TDRD9: variants seen among roughly 807,000 people sequenced by gnomAD.
TDRD9 encodes tudor domain containing 9.
A neutral mutation model predicts 172.6 loss-of-function variants in TDRD9; 124 were observed. The observed-to-expected ratio is 0.72, with a 90% CI of 0.62 to 0.83. The LOEUF (loss-of-function observed/expected upper bound fraction) is 0.83, where lower values mean the gene tolerates loss of function less well. Among genes scored for constraint, TDRD9 ranks in the 40% least tolerant of loss-of-function variants. TDRD9 has a pLI of 0.00. For missense variants in TDRD9, 1,479 were observed against 1,714.1 expected (o/e 0.86, Z 2.42); for synonymous variants, 619 against 617.1 (o/e 1.00, Z -0.05).
rs1484586056 is a variant in TDRD9, at chr14:103,963,160, G to A, written c.404G>A (p.Ser135Asn). Reference sequence around the variant, plus strand: ...TATAAATATCCTGATTTGCCTATAAGTCGATACAAGGAAGAGGTAAAATTG... The same window carrying A: ...TATAAATATCCTGATTTGCCTATAAATCGATACAAGGAAGAGGTAAAATTG... ...TTYKYPDLPISRYKEEVVSLI... is the reference protein window; with the variant it reads ...TTYKYPDLPINRYKEEVVSLI... The change falls in exon 3 of 36, where the codon AGT (serine) becomes AAT (asparagine). Residue 135 changes from serine to asparagine, a missense_variant. Transcript: ENST00000409874. The A allele has an allele frequency of 5.2e-6, 8 of 1,547,826 alleles. No individual in the cohort carries two copies. In the Admixed American group the frequency reaches 1.6e-4, roughly 31 times the overall value.
chr14:103,966,453 TAGA>T (rs1239008355), intron 4 of TDRD9, among the ~76,000 whole-genome samples: 5 of 152,248 alleles, frequency 3.3e-5, no homozygotes, highest in Non-Finnish European at 7.3e-5. Context: ...ATCTGTAATC[TAGA>T]AGATGTCTTG....
At chr14:103,967,676 C>A (rs540855687) in intron 5 of TDRD9, among the ~76,000 whole-genome samples, 9 of 152,152 alleles carry the variant, frequency 5.9e-5, no homozygotes, top group Non-Finnish European at 1.0e-4. Context: ...TATGTACAGG[C>A]ACTTGGTTTT....
In TDRD9 at chr14:104,004,317, T is replaced by C. The variant is rs1595974146; in HGVS notation, c.1563T>C (p.His521=). The C allele has an allele frequency of 2.5e-6, 4 of 1,587,300 alleles. No individual in the cohort carries two copies. Among genetic ancestry groups the C allele is most frequent in the Non-Finnish European group, 3.5e-6 (4 of 1,158,556 alleles). ...KDFWDNSIPD[H]VVPEMLRCPL... ...TCTGGGACAACTCCATCCCTGATCA[T>C]GTTGTTCCTGAGATGTTGGTAATTC... Residue 521 remains histidine (H), a synonymous_variant, in exon 14 of 36, where the codon CAT becomes CAC. Transcript: ENST00000409874.
chr14:104,024,383 T>TC (rs2035051363), intron 24 of TDRD9, among the ~76,000 whole-genome samples, 186 bp from the exon 25 acceptor site: 1 of 152,174 alleles, frequency 6.6e-6, no homozygotes, highest in South Asian at 2.1e-4. Context: ...CCAGAGCTCT[T>TC]CAAAAAGCCA....
chr14:104,038,210 G>A (rs909217032), intron 32 of TDRD9, among the ~76,000 whole-genome samples: 3 of 151,866 alleles, frequency 2.0e-5, no homozygotes, highest in African/African-American at 7.3e-5. Flanking sequence ...GAGGGTGGGG[G>A]GATCTTTAAA....
Position 103,975,548 on chromosome 14 carries a change from A to G in TDRD9, c.1006A>G (p.Ser336Gly). 6.2e-7 allele frequency: 1 copy of G among 1,603,742 alleles called. No individual in the cohort carries two copies. Among genetic ancestry groups the G allele is most frequent in the Non-Finnish European group, 8.5e-7 (1 of 1,174,466 alleles). ...YLNDLEHIHH[S>G]KLSPHLLEEP... Reference sequence around the variant, plus strand: ...TAATGATTTGGAGCACATTCATCATAGCAAGGTATGTTAGAATGTGCTGTT... The same window carrying G: ...TAATGATTTGGAGCACATTCATCATGGCAAGGTATGTTAGAATGTGCTGTT... Residue 336 changes from serine to glycine, a missense_variant, in exon 7 of 36, where the codon AGC becomes GGC. Around this residue, in one of 3 missense-constraint regions of TDRD9, gnomAD observed 1,413 missense variants for 1,649.1 expected, o/e 0.86. Transcript: ENST00000409874.
intron 2 of TDRD9, 128 bp from the exon 3 acceptor site, chr14:103,962,951 T>A: frequency 1.8e-6 from 1 of 544,872 alleles, no homozygotes; most frequent in Non-Finnish European, 3.0e-6. Flanking sequence ...GTAGAAAATG[T>A]ATTTTTGTAT....
At chr14:103,960,585 G>A (rs1233343493) in intron 2 of TDRD9, among the ~76,000 whole-genome samples, 1 of 152,228 alleles carries the variant, frequency 6.6e-6, no homozygotes, top group African/African-American at 2.4e-5. Context: ...CTGATGCAAA[G>A]GTGCGAGAGC....
chr14:103,929,877 A>G (rs1433964207), intron 1 of TDRD9, among the ~76,000 whole-genome samples: 2 of 152,176 alleles, frequency 1.3e-5, no homozygotes, highest in African/African-American at 4.8e-5. Context: ...TCATTGGGTA[A>G]ATACCAAGGA....
chr14:103,944,966 C>T (rs1206484781), intron 1 of TDRD9, among the ~76,000 whole-genome samples: 1 of 152,172 alleles, frequency 6.6e-6, no homozygotes, highest in Non-Finnish European at 1.5e-5. Flanking sequence ...GACTGTCTGC[C>T]AGGGCCTGAA....
chr14:104,010,686 A>G (rs1157697481), intron 20 of TDRD9, among the ~76,000 whole-genome samples: 1 of 151,984 alleles, frequency 6.6e-6, no homozygotes, highest in Non-Finnish European at 1.5e-5. Context: ...AGCCAGTAAC[A>G]TAGTTACTAT....
intron 35 of TDRD9, among the ~76,000 whole-genome samples, chr14:104,051,651 C>G (rs534092474): frequency 1.3e-5 from 2 of 152,254 alleles, no homozygotes; most frequent in Non-Finnish European, 2.9e-5. Context: ...GCTATTCTGA[C>G]TGGTGTGAGA....
chr14:103,953,220 C>T (rs917353527), intron 1 of TDRD9, among the ~76,000 whole-genome samples: 1 of 152,152 alleles, frequency 6.6e-6, no homozygotes, highest in African/African-American at 2.4e-5. Flanking sequence ...CTCCCTGATA[C>T]TTCCAGCTCT....
chr14:103,980,752 A>G lies in TDRD9; in HGVS notation c.1011+5199A>G, dbSNP rs7145523. On this transcript the variant is annotated intron_variant, in intron 7 of 35. Coordinates refer to ENST00000409874, the MANE Select transcript of TDRD9 (RefSeq NM_153046.3). The surrounding 1 kb of genome is among the most constrained non-coding windows in gnomAD (Gnocchi z 4.5). ...TTGACACTGACGCTACCACTAGACC[A>G]CGGCTAGACCATGGTCCGCTTGGCA... Among the ~76,000 whole-genome samples, 2,466 of 152,170 alleles carry G rather than the reference A, an allele frequency of 0.016. 69 individuals are homozygous for G. Among genetic ancestry groups the G allele is most frequent in the African/African-American group, 0.057 (2,347 of 41,518 alleles).
rs748848125 is a variant in TDRD9, at chr14:104,025,651, C to A, written c.2806C>A (p.Leu936Met). The change falls in exon 26 of 36, where the codon CTG becomes ATG. Residue 936 changes from leucine to methionine, a missense_variant. Physicochemically the swap from Leu to Met is conservative, Grantham distance 15. Transcript: ENST00000409874. ...LKKLTAEINQ[L>M]TLVPLPTHPH... ...AAAGCTTACTGCTGAAATCAACCAACTGACGCTGGTGCCCTTGCCCACTCA... is the reference window on the plus strand; with the variant it reads ...AAAGCTTACTGCTGAAATCAACCAAATGACGCTGGTGCCCTTGCCCACTCA... 1 of 1,614,024 alleles carries A rather than the reference C, an allele frequency of 6.2e-7. No homozygotes were observed. The highest frequency in any genetic ancestry group is 8.5e-7 in the Non-Finnish European group (1 of 1,179,886).
intron 28 of TDRD9, among the ~76,000 whole-genome samples, chr14:104,027,555 C>G (rs2035160027): frequency 6.6e-6 from 1 of 152,124 alleles, no homozygotes; most frequent in African/African-American, 2.4e-5. Context: ...TGAGAGGCCA[C>G]TTCTTTTTCC....
intron 6 of TDRD9, among the ~76,000 whole-genome samples, chr14:103,974,696 A>G (rs1047940283): frequency 7.2e-5 from 11 of 152,128 alleles, no homozygotes; most frequent in Non-Finnish European, 1.3e-4. Flanking sequence ...GCTAGAGTGC[A>G]GTGGTGTGAT....
chr14:104,010,866 T>A (rs2034592460), intron 20 of TDRD9, among the ~76,000 whole-genome samples: 1 of 152,232 alleles, frequency 6.6e-6, no homozygotes. Context: ...GTATTTTTGA[T>A]CCACATTTGG....
intron 24 of TDRD9, among the ~76,000 whole-genome samples, chr14:104,022,986 C>T (rs2035008800): frequency 6.6e-6 from 1 of 151,412 alleles, no homozygotes; most frequent in Non-Finnish European, 1.5e-5. Context: ...TCAAAACGAG[C>T]CTGGCCGACA....
Sources: allele counts gnomAD v4.1 joint callset (sites outside exome capture counted in the v4.1 genomes callset), GRCh38; gene constraint gnomAD v4.1.1; regional missense constraint gnomAD v4.1.1; non-coding constraint Gnocchi (gnomAD v3.1); transcripts MANE v1.5; gene names NCBI Gene and HGNC (gene_info 2026-07-23, HGNC 2026-07-21).